Variants in WDR62 observed in about 807,000 individuals in gnomAD.
WDR62 encodes WD repeat-containing protein 62.
Under a neutral mutation model 160.6 loss-of-function variants are expected in WDR62, and 112 were observed. That is an observed-to-expected ratio of 0.70 (90% confidence interval 0.60 to 0.82). The LOEUF is 0.82. Among genes scored for constraint, WDR62 ranks in the 40% least tolerant of loss-of-function variants. The pLI is 0.00. For synonymous variants in WDR62, 792 were observed against 815.1 expected (o/e 0.97, Z 0.48); for missense variants, 1,819 against 1,983.8 (o/e 0.92, Z 1.58).
the WDR62 span, among the ~76,000 whole-genome samples, chr19:36,110,557 G>A: frequency 6.6e-6 from 1 of 152,164 alleles, no homozygotes; most frequent in Non-Finnish European, 1.5e-5. Flanking sequence ...AGTAACTAGG[G>A]GCTAGATTAT....
At chr19:36,092,049 G>A (rs1439442979) in intron 18 of WDR62, among the ~76,000 whole-genome samples, 2 of 152,020 alleles carry the variant, frequency 1.3e-5, no homozygotes, top group Non-Finnish European at 2.9e-5. Flanking sequence ...AGTGGCTCAC[G>A]CCTGTGATCC....
At chr19:36,055,285 A>C (rs1003113976) in intron 1 of WDR62, 137 bp downstream of exon 1, 10 of 856,904 alleles carry the variant, frequency 1.2e-5, no homozygotes, top group East Asian at 2.8e-5. Flanking sequence ...TCGTCCCCTA[A>C]CCCCCGCCCC....
chr19:36,104,046 C>A, intron 30 of WDR62, 65 bp downstream of exon 30: 1 of 1,583,952 alleles, frequency 6.3e-7, no homozygotes, highest in Admixed American at 1.7e-5. Flanking sequence ...TGGCTCAGCT[C>A]CAAAGATGGA....
intron 20 of WDR62, among the ~76,000 whole-genome samples, chr19:36,094,736 AT>A (rs1381483698): frequency 1.3e-5 from 2 of 151,690 alleles, no homozygotes; most frequent in Non-Finnish European, 2.9e-5. Flanking sequence ...CAAAAAAAAA[AT>A]TTTTTAAAGA....
chr19:36,106,362 CAAAAAAA>C (rs10668126), downstream of WDR62, among the ~76,000 whole-genome samples: 2 of 115,240 alleles, frequency 1.7e-5, no homozygotes, highest in East Asian at 4.8e-4. Flanking sequence ...CAGCAAGTCT[CAAAAAAA>C]AAAAAAAAAA....
chr19:36,098,041 G>C (rs183822873), intron 21 of WDR62, among the ~76,000 whole-genome samples: 2 of 152,076 alleles, frequency 1.3e-5, no homozygotes, highest in African/African-American at 2.4e-5. Context: ...CAGCCTATAC[G>C]TGTAAAAGCC....
intron 11 of WDR62, 71 bp from the exon 12 acceptor site, chr19:36,084,568 GCCTGGCCATTCTGA>G: frequency 7.8e-7 from 1 of 1,281,964 alleles, no homozygotes; most frequent in Non-Finnish European, 1.1e-6. Flanking sequence ...ATTGTTGGTG[GCCTGGCCATTCTGA>G]CCTATTCTAG....
downstream of WDR62, among the ~76,000 whole-genome samples, chr19:36,105,708 T>TA: frequency 6.6e-6 from 1 of 152,210 alleles, no homozygotes; most frequent in African/African-American, 2.4e-5. Flanking sequence ...TTTATTTATT[T>TA]TTGTTTTTGA....
chr19:36,106,784 T>C (rs1298603354), downstream of WDR62, among the ~76,000 whole-genome samples: 1 of 152,202 alleles, frequency 6.6e-6, no homozygotes, highest in Non-Finnish European at 1.5e-5. Flanking sequence ...CCAAGGAATA[T>C]CCAGAACAGT....
chr19:36,102,052 G>T lies in WDR62; in HGVS notation c.3121G>T (p.Glu1041Ter), dbSNP rs762605299. Residue 1041 changes from glutamate (E) to a stop codon, truncating the protein, a stop_gained, in exon 26 of 32, where the codon GAG (glutamate) becomes TAG (stop). Transcript: ENST00000401500. LOFTEE classifies it high-confidence loss of function. The stretch of plus-strand genomic sequence containing the variant: ...CACAGAAGATGAGCTGTCCCTGCCC[G>T]AGGGACCCAGCGTCCCCAGCAGCTC... ...GPTEDELSLP[E>*]GPSVPSSSLP... 6.2e-7 allele frequency: 1 copy of T among 1,614,110 alleles called. No homozygotes were observed. The highest frequency in any genetic ancestry group is 2.2e-5 in the East Asian group (1 of 44,882).
chr19:36,073,541 C>G lies in WDR62; in HGVS notation c.1233+10C>G. ...CGTTTGGAACGTGGAGGTGAGCCCC[C>G]CCCCCACCCCCTTGCCCCTGCTTGG... On this transcript the variant is annotated intron_variant, in intron 9 of 31. Transcript: ENST00000401500. 8.0e-7 allele frequency: 1 copy of G among 1,251,930 alleles called. No homozygotes were observed. The highest frequency in any genetic ancestry group is 1.1e-6 in the Non-Finnish European group (1 of 880,552). The allele number at this position is 1,251,930 out of a possible 1,614,324, so 77.6% of individuals were successfully genotyped here.
At chr19:36,070,410 T>G (rs1971234168) in intron 7 of WDR62, 1 of 152,202 alleles carries the variant, frequency 6.6e-6, no homozygotes, top group African/African-American at 2.4e-5. Flanking sequence ...CCATCCGTCT[T>G]GGCCTCCCAC....
chr19:36,093,594 G>A (rs2145803322), intron 19 of WDR62, among the ~76,000 whole-genome samples: 1 of 152,240 alleles, frequency 6.6e-6, no homozygotes, highest in South Asian at 2.1e-4. Context: ...AGGTCCTGAG[G>A]TGGTGTTAGA....
rs2145484054 is a variant in WDR62 at position 36,055,063 on chromosome 19, A to G, written c.92A>G (p.Gln31Arg). 1.9e-6 allele frequency: 3 copies of G among 1,593,132 alleles called. No homozygotes were observed. In the East Asian group the frequency reaches 6.9e-5, roughly 36 times the overall value. ...VMAGVPARRG[Q>R]SSPPPAPPIC... ...GCGGGAGTTCCGGCGCGGAGGGGCC[A>G]GTCCTCCCCGCCCCCCGCCCCACCA... Residue 31 changes from glutamine to arginine, a missense_variant, in exon 1 of 32, where the codon CAG (glutamine) becomes CGG (arginine). Gln to Arg is a conservative substitution (Grantham distance 43). Coordinates refer to ENST00000401500, the MANE Select transcript of WDR62 (RefSeq NM_001083961.2).
intron 9 of WDR62, chr19:36,073,827 G>A (rs1314494093): frequency 6.6e-6 from 3 of 455,624 alleles, no homozygotes; most frequent in African/African-American, 5.9e-5. Flanking sequence ...TTCTAGAGAG[G>A]AGAGGGGTCA....
chr19:36,083,228 A>T lies in WDR62; in HGVS notation c.1537A>T (p.Ser513Cys), dbSNP rs1446633591. The stretch of plus-strand genomic sequence containing the variant: ...CCAGCATTTGGCTTCAGGCGACCGA[A>T]GTGGAAATCTGAGGCAAGTGGGCCC... ...DGQHLASGDR[S>C]GNLRIHELHF... Residue 513 changes from serine to cysteine, a missense_variant, in exon 11 of 32, where the codon AGT becomes TGT. This residue lies in a region of WDR62 where 934 missense variants were observed against 1,157.2 expected (regional missense o/e 0.81). Coordinates refer to ENST00000401500, the MANE Select transcript of WDR62 (RefSeq NM_001083961.2). The T allele has an allele frequency of 6.2e-7, 1 of 1,601,254 alleles. No homozygotes were observed. The highest frequency in any genetic ancestry group is 8.5e-7 in the Non-Finnish European group (1 of 1,173,330).
chr19:36,107,880 A>G (rs1456360265), downstream of WDR62, among the ~76,000 whole-genome samples: 1 of 152,076 alleles, frequency 6.6e-6, no homozygotes, highest in Non-Finnish European at 1.5e-5. Flanking sequence ...GCATGTGTGC[A>G]TGTGGTTTGT....
rs148667984 is a variant in WDR62 at position 36,081,558 on chromosome 19, C to T, written c.1359C>T (p.Asn453=). Residue 453 remains asparagine (N), a synonymous_variant, in exon 10 of 32, where the codon AAC becomes AAT. Coordinates refer to ENST00000401500, the MANE Select transcript of WDR62 (RefSeq NM_001083961.2). ...GCCCTGATTCTCACTGGCAGAAAAACATCTTCAGCAATGTGAGTGGCTTCC... is the reference window on the plus strand; with the variant it reads ...GCCCTGATTCTCACTGGCAGAAAAATATCTTCAGCAATGTGAGTGGCTTCC... ...DSSPDSHWQK[N]IFSNTLLKVV... The T allele has an allele frequency of 2.5e-4, 404 of 1,614,174 alleles. 1 individual carries two copies. The African/African-American group carries it at 4.8e-3, about 19-fold the overall frequency.
At chr19:36,091,779 C>G (rs1972625392) in intron 18 of WDR62, among the ~76,000 whole-genome samples, 1 of 151,898 alleles carries the variant, frequency 6.6e-6, no homozygotes, top group East Asian at 1.9e-4. Context: ...GTCCCAGCTA[C>G]TCAGGAGGGG....
Sources: allele counts gnomAD v4.1 joint callset (sites outside exome capture counted in the v4.1 genomes callset), GRCh38; gene constraint gnomAD v4.1.1; regional missense constraint gnomAD v4.1.1; transcripts MANE v1.5; gene names NCBI Gene and HGNC (gene_info 2026-07-23, HGNC 2026-07-21).